Variants in METTL8 observed in about 807,000 individuals in gnomAD.
The protein encoded by METTL8 is tRNA N(3)-cytidine methyltransferase METTL8, mitochondrial.
METTL8 carries 32 observed loss-of-function variants against 48.7 expected under a neutral mutation model. That is an observed-to-expected ratio of 0.66 (90% CI 0.50 to 0.88). The LOEUF (loss-of-function observed/expected upper bound fraction) is 0.88. METTL8 is among the 40% of genes least tolerant of loss of function. The pLI, the probability that METTL8 is intolerant of heterozygous loss-of-function variation, is 0.00. For synonymous variants in METTL8, 136 were observed against 157.1 expected, an observed-to-expected ratio of 0.87 and a Z score of 1.01; for missense variants, 464 against 474.4, an observed-to-expected ratio of 0.98 and a Z score of 0.20.
intron 3 of METTL8, among the ~76,000 whole-genome samples, chr2:171,344,372 A>T (rs1245145329): frequency 1.3e-5 from 2 of 152,162 alleles, no homozygotes; most frequent in African/African-American, 4.8e-5. Flanking sequence ...CTCACCCATT[A>T]CACTACACTG....
rs775515131 is a variant in METTL8, at chr2:171,316,636, G to T, written c.*7536C>A. Among the ~76,000 whole-genome samples the T allele has an allele frequency of 1.3e-5, 2 of 151,986 alleles. No individual in the cohort carries two copies. Among genetic ancestry groups the T allele is most frequent in the Non-Finnish European group, 2.9e-5 (2 of 67,990 alleles). On this transcript the variant is annotated 3_prime_UTR_variant, in exon 10 of 10. Coordinates refer to ENST00000375258, the MANE Select transcript of METTL8 (RefSeq NM_001321154.2). ...AAGGATAGATCTTCCTTGCTTTTTG[G>T]GATCCTGAATTTCATCTTTCATTTG...
upstream of METTL8, chr2:171,434,749 GGCGGCCGA>G (rs1693719301): frequency 7.2e-7 from 1 of 1,391,000 alleles, no homozygotes; most frequent in Admixed American, 3.7e-5. Flanking sequence ...GCGGGCGCGC[GGCGGCCGA>G]GCCTCCTGCG....
Position 171,356,952 on chromosome 2 carries a change from A to ATGTTTT in METTL8, c.235+3469_235+3470insAAAACA. 3.4e-4 allele frequency among the ~76,000 whole-genome samples: 27 copies of ATGTTTT among 78,468 alleles called. 5 individuals are homozygous for ATGTTTT. The highest frequency in any genetic ancestry group is 1.0e-3 in the South Asian group (2 of 1,922). 51.5% of individuals were successfully genotyped at this position (78,468 alleles called of 152,430 possible). A position where few individuals can be genotyped will look rare whatever the true frequency, so the allele number is the denominator to read the frequency against. ...CAAATTAGCCTTGTTCAAAGACAAT[A>ATGTTTT]TTTTTTTTTTTTTTTTTGAGACAGG... On this transcript the variant is annotated intron_variant, in intron 3 of 9. Coordinates refer to ENST00000375258, the MANE Select transcript of METTL8 (RefSeq NM_001321154.2).
chr2:171,347,094 C>T (rs552284267), intron 3 of METTL8, among the ~76,000 whole-genome samples: 70 of 152,334 alleles, frequency 4.6e-4, no homozygotes, highest in African/African-American at 1.6e-3. Flanking sequence ...GCCCATCACA[C>T]TGAAGTGTTA....
At chr2:171,434,135 C>T (rs868076948), upstream of METTL8, 30 of 344,722 alleles carry the variant, frequency 8.7e-5, 1 homozygote, top group African/African-American at 6.5e-4. Flanking sequence ...GCGCAGCCTC[C>T]GCGGGCCGGA....
At chr2:171,352,602 C>T (rs1235627445) in intron 3 of METTL8, among the ~76,000 whole-genome samples, 5 of 152,086 alleles carry the variant, frequency 3.3e-5, no homozygotes, top group Admixed American at 3.3e-4. Flanking sequence ...TGGTCCTGGA[C>T]TTTTTTTGGT....
upstream of METTL8, chr2:171,434,035 C>T (rs535465731): frequency 1.1e-5 from 3 of 280,724 alleles, no homozygotes; most frequent in South Asian, 6.1e-5. Flanking sequence ...GGCGCACACA[C>T]GGGGCGGAGA....
At chr2:171,327,802 T>C (rs560263887) in intron 7 of METTL8, among the ~76,000 whole-genome samples, 6 of 152,362 alleles carry the variant, frequency 3.9e-5, no homozygotes, top group Admixed American at 3.3e-4. Context: ...GCTTATATCA[T>C]AGGCTTTGCG....
At chr2:171,370,525 C>T (rs1223870137) in intron 2 of METTL8, among the ~76,000 whole-genome samples, 1 of 152,136 alleles carries the variant, frequency 6.6e-6, no homozygotes, top group Non-Finnish European at 1.5e-5. Flanking sequence ...GGCACGGTGG[C>T]TCATGCCTGT....
At chr2:171,412,691 A>C (rs1690871832) in intron 1 of METTL8, among the ~76,000 whole-genome samples, 1 of 152,222 alleles carries the variant, frequency 6.6e-6, no homozygotes, top group African/African-American at 2.4e-5. Flanking sequence ...ACTATACAGA[A>C]GATCACTGTC....
At chr2:171,345,482 A>G (rs1169386808) in intron 3 of METTL8, among the ~76,000 whole-genome samples, 2 of 152,196 alleles carry the variant, frequency 1.3e-5, no homozygotes, top group Admixed American at 1.3e-4. Context: ...AATAAAAGAA[A>G]ACTCTTAAAA....
At chr2:171,368,163 A>G (rs1685915538) in intron 2 of METTL8, among the ~76,000 whole-genome samples, 1 of 152,238 alleles carries the variant, frequency 6.6e-6, no homozygotes, top group Non-Finnish European at 1.5e-5. Context: ...AGCAGTAAAA[A>G]CTATTAATTT....
At chr2:171,427,167 C>A (rs1376633093) in intron 1 of METTL8, among the ~76,000 whole-genome samples, 2 of 152,122 alleles carry the variant, frequency 1.3e-5, no homozygotes, top group African/African-American at 4.8e-5. Context: ...TCCTTAATAT[C>A]CACTGTATCA....
intron 2 of METTL8, among the ~76,000 whole-genome samples, chr2:171,368,497 T>G (rs1685946972): frequency 6.6e-6 from 1 of 151,940 alleles, no homozygotes; most frequent in Non-Finnish European, 1.5e-5. Flanking sequence ...AAAATTAGAC[T>G]TCTGGAAAGC....
At position 171,363,792 on chromosome 2, in the gene METTL8, TTATATA is replaced by T. The variant is rs200347847; in HGVS notation, c.144-3285_144-3280del. On this transcript the variant is annotated intron_variant, in intron 2 of 9. Transcript: ENST00000375258. ...GGTTAAAAAAGTACATCCCCAAATT[TTATATA>T]TATATATATATATATATCTTTTTTT... Among the ~76,000 whole-genome samples, 77 of 97,454 alleles carry T rather than the reference TTATATA, an allele frequency of 7.9e-4. 1 individual carries two copies. Among genetic ancestry groups the T allele is most frequent in the Middle Eastern group, 5.3e-3 (1 of 188 alleles). The allele number at this position is 97,454 out of a possible 152,430, so 63.9% of individuals were successfully genotyped here.
chr2:171,365,412 C>G (rs990000563), intron 2 of METTL8, among the ~76,000 whole-genome samples: 1 of 152,170 alleles, frequency 6.6e-6, no homozygotes, highest in Non-Finnish European at 1.5e-5. Context: ...CTCATCCGTT[C>G]CTACCCCTCC....
At chr2:171,433,392 C>T (rs1693352737) in intron 1 of METTL8, among the ~76,000 whole-genome samples, 1 of 152,208 alleles carries the variant, frequency 6.6e-6, no homozygotes, top group Non-Finnish European at 1.5e-5. Context: ...CAGGTGCGAT[C>T]GCTGGCTTTC....
At chr2:171,355,690 G>A (rs922184732) in intron 3 of METTL8, among the ~76,000 whole-genome samples, 4 of 151,892 alleles carry the variant, frequency 2.6e-5, no homozygotes, top group Admixed American at 2.0e-4. Context: ...CCCCAGCCTC[G>A]CTGCCACCTT....
chr2:171,423,169 T>C (rs975201074), intron 1 of METTL8, among the ~76,000 whole-genome samples: 27 of 152,320 alleles, frequency 1.8e-4, no homozygotes, highest in African/African-American at 6.5e-4. Context: ...CTGCCATGAT[T>C]GTAAGTCTCC....
Sources: gnomAD v4.1 joint callset for allele counts (sites outside exome capture counted in the v4.1 genomes callset) on GRCh38, gnomAD v4.1.1 for gene constraint, MANE v1.5 for transcripts, NCBI Gene and HGNC (gene_info 2026-07-23, HGNC 2026-07-21) for gene names.